The following LGSN variants were observed in gnomAD, a reference collection of about 807,000 sequenced individuals.
LGSN encodes the protein lengsin.
In LGSN, 21 loss-of-function variants were observed where a neutral mutation model predicts 19.5. The observed-to-expected ratio is 1.07, with a 90% confidence interval of 0.76 to 1.55. LGSN has a LOEUF of 1.55. LGSN is among the 40% of genes most tolerant of loss of function. LGSN has a pLI of 0.00. For missense variants in LGSN, 673 were observed against 608.5 expected, an observed-to-expected ratio of 1.11 and a Z score of -1.12; for synonymous variants, 257 against 215.6, an observed-to-expected ratio of 1.19 and a Z score of -1.68.
the LGSN span, among the ~76,000 whole-genome samples, chr6:63,458,610 T>G: frequency 7.9e-5 from 12 of 152,144 alleles, no homozygotes; most frequent in Non-Finnish European, 1.8e-4. Flanking sequence ...TGTGTGAAAG[T>G]TACCCAAACA....
At chr6:63,331,580 C>T in the LGSN span, among the ~76,000 whole-genome samples, 449 of 152,282 alleles carry the variant, frequency 2.9e-3, 3 homozygotes, top group African/African-American at 0.01. Context: ...CAAGAATCCA[C>T]AACGGTCCCT....
In LGSN at chr6:63,280,428, C is replaced by G. The variant is rs1169520874; in HGVS notation, c.1123G>C (p.Asp375His). 6.2e-7 allele frequency: 1 copy of G among 1,614,190 alleles called. No homozygotes were observed. The highest frequency in any genetic ancestry group is 1.7e-5 in the Admixed American group (1 of 60,024). ...CRKRYSKDRKDLKKSVPTTWG... is the reference protein window; with the variant it reads ...CRKRYSKDRKHLKKSVPTTWG... ...GTTGTAGGCACACTCTTCTTCAGGTCTTTCCTGTCCTTGGAATAACGCTTT... is the reference window on the plus strand; with the variant it reads ...GTTGTAGGCACACTCTTCTTCAGGTGTTTCCTGTCCTTGGAATAACGCTTT... Residue 375 changes from aspartate (D) to histidine (H), a missense_variant, in exon 4 of 4, where the codon GAC becomes CAC. Coordinates refer to ENST00000370657, the MANE Select transcript of LGSN (RefSeq NM_016571.3).
chr6:63,347,418 T>C, the LGSN span, among the ~76,000 whole-genome samples: 1 of 152,228 alleles, frequency 6.6e-6, no homozygotes, highest in East Asian at 1.9e-4. Flanking sequence ...TATGGTTTAC[T>C]ATTGATTTAG....
chr6:63,539,220 A>G, the LGSN span, among the ~76,000 whole-genome samples: 2 of 152,308 alleles, frequency 1.3e-5, no homozygotes, highest in Non-Finnish European at 2.9e-5. Flanking sequence ...AGAATAATGA[A>G]TAAATTCTAA....
chr6:63,562,010 T>A, the LGSN span, among the ~76,000 whole-genome samples: 2 of 152,200 alleles, frequency 1.3e-5, no homozygotes, highest in Middle Eastern at 3.4e-3. Flanking sequence ...GGAAAAAAAA[T>A]ACAAAATATA....
chr6:63,483,308 G>A, the LGSN span, among the ~76,000 whole-genome samples: 41 of 151,796 alleles, frequency 2.7e-4, no homozygotes, highest in Admixed American at 6.6e-5. Context: ...TTGTTCCATG[G>A]CTGTCATAGC....
the LGSN span, among the ~76,000 whole-genome samples, chr6:63,539,530 C>A: frequency 6.6e-6 from 1 of 152,144 alleles, no homozygotes; most frequent in Admixed American, 6.6e-5. Flanking sequence ...GTAATCCCAG[C>A]ACTTTGGGAG....
the LGSN span, among the ~76,000 whole-genome samples, chr6:63,473,437 G>A: frequency 7.7e-6 from 1 of 130,398 alleles, no homozygotes; most frequent in African/African-American, 3.0e-5. Context: ...TCATGCCACT[G>A]CACTCCAGCC....
chr6:63,486,299 G>A, the LGSN span, among the ~76,000 whole-genome samples: 3 of 152,064 alleles, frequency 2.0e-5, no homozygotes, highest in Non-Finnish European at 4.4e-5. Context: ...TGCCTTTCAG[G>A]TAAGGAACTC....
At chr6:63,349,369 A>G in the LGSN span, among the ~76,000 whole-genome samples, 2 of 152,200 alleles carry the variant, frequency 1.3e-5, no homozygotes, top group African/African-American at 4.8e-5. Context: ...GTAGAATTCT[A>G]AAAAGGCCCC....
chr6:63,493,973 G>A, the LGSN span, among the ~76,000 whole-genome samples: 2 of 135,668 alleles, frequency 1.5e-5, no homozygotes, highest in South Asian at 2.3e-4. Context: ...TTTTTGAGAC[G>A]GAGTCTTGCT....
the LGSN span, among the ~76,000 whole-genome samples, chr6:63,421,776 A>C: frequency 6.6e-6 from 1 of 152,158 alleles, no homozygotes. Flanking sequence ...TGAACAATAG[A>C]GAGAAAATAG....
At chr6:63,561,280 A>C in the LGSN span, among the ~76,000 whole-genome samples, 1 of 152,188 alleles carries the variant, frequency 6.6e-6, no homozygotes, top group East Asian at 1.9e-4. Context: ...TTATAATGGG[A>C]GTAATATCAA....
the LGSN span, among the ~76,000 whole-genome samples, chr6:63,437,137 AG>A: frequency 2.4e-5 from 1 of 40,822 alleles, no homozygotes; most frequent in African/African-American, 5.5e-5. Flanking sequence ...AAAGAAAGAA[AG>A]GAGAAAGAAA....
At chr6:63,512,674 A>G in the LGSN span, among the ~76,000 whole-genome samples, 1 of 152,194 alleles carries the variant, frequency 6.6e-6, no homozygotes, top group Non-Finnish European at 1.5e-5. Context: ...AGAGGGGTCT[A>G]TCTTCCCTCA....
chr6:63,310,567 T>C (rs747054126), intron 1 of LGSN, among the ~76,000 whole-genome samples: 128 of 152,238 alleles, frequency 8.4e-4, no homozygotes, highest in African/African-American at 2.9e-3. Context: ...ATATAAAATA[T>C]AAACTTTATT....
At chr6:63,383,371 T>TACACAC in the LGSN span, among the ~76,000 whole-genome samples, 2,340 of 139,282 alleles carry the variant, frequency 0.017, 35 homozygotes, top group East Asian at 0.043. Flanking sequence ...AACCATTACT[T>TACACAC]ACACACACAC....
At chr6:63,344,770 A>T in the LGSN span, among the ~76,000 whole-genome samples, 5 of 152,312 alleles carry the variant, frequency 3.3e-5, no homozygotes, top group African/African-American at 1.2e-4. Context: ...AAAACCTGTT[A>T]TTAGCCCAAA....
At chr6:63,424,921 GA>G in the LGSN span, among the ~76,000 whole-genome samples, 1 of 150,774 alleles carries the variant, frequency 6.6e-6, no homozygotes, top group Non-Finnish European at 1.5e-5. Flanking sequence ...CATAAAAAAA[GA>G]AAAAGAAAAA....
Sources: allele counts gnomAD v4.1 joint callset (sites outside exome capture counted in the v4.1 genomes callset), GRCh38; gene constraint gnomAD v4.1.1; transcripts MANE v1.5; gene names NCBI Gene and HGNC (gene_info 2026-07-23, HGNC 2026-07-21).